Variants in RBFOX1 observed in about 807,000 individuals in gnomAD.
RBFOX1 encodes the protein RNA binding fox-1 homolog 1, also known as RNA binding protein fox-1 homolog 1.
RBFOX1 carries 8 observed loss-of-function variants against 57.7 expected under a neutral mutation model. The observed-to-expected ratio is 0.14, with a 90% CI of 0.08 to 0.25. The LOEUF is 0.25. RBFOX1 is among the 10% of genes least tolerant of loss of function. The pLI, the probability that RBFOX1 is intolerant of heterozygous loss-of-function variation, is 1.00. For synonymous variants in RBFOX1, 326 were observed against 222.4 expected (o/e 1.47, Z -4.15); for missense variants, 611 against 548.5 (o/e 1.11, Z -1.14).
chr16:6,711,013 C>T (rs1320165796), intron 3 of RBFOX1, among the ~76,000 whole-genome samples: 2 of 152,156 alleles, frequency 1.3e-5, no homozygotes, highest in Non-Finnish European at 1.5e-5. Flanking sequence ...ATACCCATTG[C>T]AAGTGAAATG....
chr16:6,499,493 T>A (rs2095857854), intron 2 of RBFOX1, among the ~76,000 whole-genome samples: 1 of 152,180 alleles, frequency 6.6e-6, no homozygotes, highest in Non-Finnish European at 1.5e-5. Flanking sequence ...AGATTTGTAA[T>A]AAGCACAAGT....
intron 4 of RBFOX1, among the ~76,000 whole-genome samples, chr16:7,336,366 A>G (rs921491260): frequency 2.0e-4 from 31 of 152,350 alleles, no homozygotes; most frequent in Admixed American, 1.3e-4. Flanking sequence ...TGGGCCATAC[A>G]TGGCCAAGTC....
At chr16:7,438,418 C>T (rs939007627) in intron 4 of RBFOX1, among the ~76,000 whole-genome samples, 5 of 151,966 alleles carry the variant, frequency 3.3e-5, no homozygotes, top group Admixed American at 6.6e-5. Context: ...TCAGATTAGC[C>T]GTTTTGCCCT....
chr16:6,567,909 C>A (rs1459042278), intron 2 of RBFOX1, among the ~76,000 whole-genome samples: 1 of 152,160 alleles, frequency 6.6e-6, no homozygotes, highest in African/African-American at 2.4e-5. Flanking sequence ...GAGCCTTGAA[C>A]TGCCAGGCTC....
intron 4 of RBFOX1, among the ~76,000 whole-genome samples, chr16:7,297,824 C>T (rs1320555514): frequency 6.6e-6 from 1 of 151,962 alleles, no homozygotes; most frequent in African/African-American, 2.4e-5. Context: ...TGAAATCCCC[C>T]CCAATAGCCC....
intron 3 of RBFOX1, among the ~76,000 whole-genome samples, chr16:6,719,267 A>G (rs1424552832): frequency 6.6e-6 from 1 of 151,880 alleles, no homozygotes; most frequent in Non-Finnish European, 1.5e-5. Flanking sequence ...TAGAAATACT[A>G]GGATTCAATA....
chr16:6,217,492 G>A (rs1042740858), intron 1 of RBFOX1, among the ~76,000 whole-genome samples: 5 of 152,128 alleles, frequency 3.3e-5, no homozygotes, highest in Admixed American at 2.6e-4. Context: ...GAGTACCAGG[G>A]AAATAAGGAG....
chr16:6,525,359 A>G (rs537463038), intron 2 of RBFOX1, among the ~76,000 whole-genome samples: 11 of 152,162 alleles, frequency 7.2e-5, no homozygotes, highest in Admixed American at 6.6e-4. Flanking sequence ...GTAGTTGAGT[A>G]CACTTCTCCT....
At chr16:7,124,119 G>C (rs2067838952) in intron 4 of RBFOX1, among the ~76,000 whole-genome samples, 1 of 152,194 alleles carries the variant, frequency 6.6e-6, no homozygotes, top group African/African-American at 2.4e-5. Flanking sequence ...AGTCTCAGGA[G>C]AGTTTTCAAC....
At chr16:7,590,240 T>C (rs1211169237) in intron 7 of RBFOX1, among the ~76,000 whole-genome samples, 1 of 151,646 alleles carries the variant, frequency 6.6e-6, no homozygotes, top group Non-Finnish European at 1.5e-5. Flanking sequence ...GCATTCCAGC[T>C]TGGGTGACAG....
chr16:5,764,635 G>A (rs1302268851), intron 3 of RBFOX1, among the ~76,000 whole-genome samples: 1 of 152,110 alleles, frequency 6.6e-6, no homozygotes, highest in Non-Finnish European at 1.5e-5. Context: ...AAGGAACCCC[G>A]AGGGAAGAAA....
intron 1 of RBFOX1, among the ~76,000 whole-genome samples, chr16:6,204,363 GAAAAC>G (rs2097239091): frequency 6.6e-6 from 1 of 152,170 alleles, no homozygotes; most frequent in African/African-American, 2.4e-5. Context: ...ATGTATTACT[GAAAAC>G]ATGAGGGTGC....
intron 1 of RBFOX1, among the ~76,000 whole-genome samples, chr16:6,180,535 C>T (rs1192334689): frequency 4.7e-5 from 7 of 149,460 alleles, no homozygotes; most frequent in Non-Finnish European, 8.9e-5. Context: ...TCATTCTCGT[C>T]TCTCTGTTTC....
rs542486753 is a variant in RBFOX1 at position 6,965,279 on chromosome 16, C to G, written c.-15-86778C>G. ...AATGGAGAATTCAGGACTAGAATGA[C>G]CAAACATAAACAAATCCAATTTCCT... On this transcript the variant is annotated intron_variant, in intron 3 of 15. Coordinates refer to ENST00000550418, the MANE Select transcript of RBFOX1 (RefSeq NM_018723.4). 2.7e-3 allele frequency among the ~76,000 whole-genome samples: 403 copies of G among 151,722 alleles called. 3 individuals are homozygous for G. In the Middle Eastern group the frequency reaches 0.041, roughly 15 times the overall value.
At chr16:5,911,041 A>C (rs886514300) in intron 4 of RBFOX1, among the ~76,000 whole-genome samples, 1 of 152,106 alleles carries the variant, frequency 6.6e-6, no homozygotes, top group African/African-American at 2.4e-5. Flanking sequence ...TCATACCCCA[A>C]ATAAACTACT....
intron 3 of RBFOX1, among the ~76,000 whole-genome samples, chr16:5,726,193 T>C (rs1323054392): frequency 6.6e-6 from 1 of 152,020 alleles, no homozygotes; most frequent in African/African-American, 2.4e-5. Flanking sequence ...CCTTTGCGAA[T>C]CAATCAGTTT....
intron 1 of RBFOX1, among the ~76,000 whole-genome samples, chr16:5,326,540 C>T (rs1234453742): frequency 6.6e-6 from 1 of 152,142 alleles, no homozygotes; most frequent in East Asian, 1.9e-4. Flanking sequence ...TGCCCTGGTA[C>T]GATGCACTCC....
intron 4 of RBFOX1, among the ~76,000 whole-genome samples, chr16:7,130,252 C>G (rs912959327): frequency 5.3e-5 from 8 of 152,124 alleles, no homozygotes; most frequent in Non-Finnish European, 8.8e-5. Flanking sequence ...CCAGGCTGGT[C>G]TTGAACTCCT....
intron 3 of RBFOX1, among the ~76,000 whole-genome samples, chr16:5,817,895 T>A (rs2055701241): frequency 6.6e-6 from 1 of 152,032 alleles, no homozygotes; most frequent in Non-Finnish European, 1.5e-5. Flanking sequence ...ATTCACCGTG[T>A]TAGCCAGGAT....
Sources: allele counts gnomAD v4.1 joint callset (sites outside exome capture counted in the v4.1 genomes callset), GRCh38; gene constraint gnomAD v4.1.1; transcripts MANE v1.5; gene names NCBI Gene and HGNC (gene_info 2026-07-23, HGNC 2026-07-21).